PACS1: variants seen among roughly 807,000 people sequenced by gnomAD.
PACS1 encodes PACS-1.
A neutral mutation model predicts 115.0 loss-of-function variants in PACS1; 24 were observed. The ratio of observed to expected loss-of-function variants is 0.21; its 90% confidence interval spans 0.15 to 0.29. The LOEUF (loss-of-function observed/expected upper bound fraction) is 0.29, where lower values mean the gene tolerates loss of function less well. PACS1 is among the 10% of genes least tolerant of loss of function. PACS1 has a pLI of 1.00. For synonymous variants in PACS1, 453 were observed against 504.5 expected (o/e 0.90, Z 1.37); for missense variants, 838 against 1,251.2 (o/e 0.67, Z 4.98).
In PACS1 at chr11:66,197,526, G is replaced by T. The variant is rs117163325; in HGVS notation, c.444+3953G>T. Among the ~76,000 whole-genome samples the T allele has an allele frequency of 4.9e-4, 75 of 152,240 alleles. 1 individual carries two copies. The East Asian group carries it at 0.013, about 27-fold the overall frequency. On this transcript the variant is annotated intron_variant, in intron 2 of 23. Coordinates refer to ENST00000320580, the MANE Select transcript of PACS1 (RefSeq NM_018026.4). ...AGTCCACAACTGGCTGGTCACAATG[G>T]CTCATACCTGTAATCCCAGCACTTT...
At position 66,092,774 on chromosome 11, in the gene PACS1, T is replaced by C. The variant is rs896520175; in HGVS notation, c.356+21932T>C. On this transcript the variant is annotated intron_variant, in intron 1 of 23. Transcript: ENST00000320580. ...AGTTTTCCCAGCACCATTTATTAAATAGAGAATCCTTTCCCCATTGCTTGT... is the reference window on the plus strand; with the variant it reads ...AGTTTTCCCAGCACCATTTATTAAACAGAGAATCCTTTCCCCATTGCTTGT... Among the ~76,000 whole-genome samples the C allele has an allele frequency of 2.0e-4, 30 of 152,142 alleles. 1 individual carries two copies. The highest frequency in any genetic ancestry group is 7.0e-4 in the African/African-American group (29 of 41,446).
intron 1 of PACS1, among the ~76,000 whole-genome samples, chr11:66,184,488 G>A (rs534974449): frequency 4.6e-5 from 7 of 152,234 alleles, no homozygotes; most frequent in South Asian, 2.1e-4. Flanking sequence ...CTACAGTCAC[G>A]TATAAACTAG....
At chr11:66,148,114 G>T (rs1859165319) in intron 1 of PACS1, among the ~76,000 whole-genome samples, 2 of 152,246 alleles carry the variant, frequency 1.3e-5, no homozygotes, top group Non-Finnish European at 2.9e-5. Flanking sequence ...TTGAAAGCTA[G>T]TTGGGCAGTA....
At chr11:66,086,980 T>A (rs1259535294) in intron 1 of PACS1, among the ~76,000 whole-genome samples, 1 of 152,148 alleles carries the variant, frequency 6.6e-6, no homozygotes, top group Non-Finnish European at 1.5e-5. Context: ...AAACCTTTTG[T>A]TTGGAATGTC....
intron 13 of PACS1, 170 bp from the exon 14 acceptor site, chr11:66,232,002 C>T (rs1855606258): frequency 1.7e-6 from 1 of 577,926 alleles, no homozygotes; most frequent in Non-Finnish European, 3.1e-6. Flanking sequence ...CTTTCTCCTC[C>T]TTTCCATCGT....
chr11:66,078,741 ACAAGGTC>A (rs1049032015), intron 1 of PACS1, among the ~76,000 whole-genome samples: 1 of 152,116 alleles, frequency 6.6e-6, no homozygotes, highest in African/African-American at 2.4e-5. Context: ...TTTTGCAGAG[ACAAGGTC>A]CCACTATGCT....
At chr11:66,129,305 A>C (rs1858649190) in intron 1 of PACS1, among the ~76,000 whole-genome samples, 2 of 151,348 alleles carry the variant, frequency 1.3e-5, no homozygotes, top group African/African-American at 2.4e-5. Context: ...GGTGGCGCGC[A>C]CTTGTAATCC....
chr11:66,124,410 T>C (rs1329566520), intron 1 of PACS1, among the ~76,000 whole-genome samples: 1 of 152,194 alleles, frequency 6.6e-6, no homozygotes, highest in Non-Finnish European at 1.5e-5. Context: ...TAGAGTTATA[T>C]AGTTAGGGTT....
At chr11:66,208,110 T>G (rs1399107241) in intron 2 of PACS1, among the ~76,000 whole-genome samples, 1 of 152,014 alleles carries the variant, frequency 6.6e-6, no homozygotes, top group East Asian at 1.9e-4. Context: ...CCATTACCCA[T>G]AGGCAGCATC....
intron 2 of PACS1, among the ~76,000 whole-genome samples, chr11:66,200,808 T>C (rs2134684392): frequency 6.6e-6 from 1 of 152,020 alleles, no homozygotes; most frequent in East Asian, 1.9e-4. Flanking sequence ...AATAGATATT[T>C]ACAGAACATT....
chr11:66,145,567 A>G (rs1254601075), intron 1 of PACS1, among the ~76,000 whole-genome samples: 3 of 152,164 alleles, frequency 2.0e-5, no homozygotes, highest in African/African-American at 7.2e-5. Context: ...CTGTCCACAC[A>G]TTTCTGGCTG....
intron 1 of PACS1, among the ~76,000 whole-genome samples, chr11:66,127,189 C>G (rs1169335977): frequency 6.6e-6 from 1 of 152,214 alleles, no homozygotes; most frequent in Non-Finnish European, 1.5e-5. Flanking sequence ...TCCCTTCTCT[C>G]AAAGACTCAG....
At chr11:66,130,227 A>G (rs1858669866) in intron 1 of PACS1, among the ~76,000 whole-genome samples, 1 of 152,128 alleles carries the variant, frequency 6.6e-6, no homozygotes, top group Non-Finnish European at 1.5e-5. Context: ...GCAAGATGCA[A>G]TATAGTAGGC....
chr11:66,226,695 C>T (rs1476870963), intron 10 of PACS1, among the ~76,000 whole-genome samples: 1 of 152,154 alleles, frequency 6.6e-6, no homozygotes, highest in Non-Finnish European at 1.5e-5. Context: ...AGAGAAAGGA[C>T]TTTGAGTCAT....
intron 1 of PACS1, among the ~76,000 whole-genome samples, chr11:66,153,510 G>A (rs1194430416): frequency 1.3e-5 from 2 of 152,044 alleles, no homozygotes; most frequent in African/African-American, 2.4e-5. Context: ...GGCCAGGCGC[G>A]GTGGCTCACG....
intron 1 of PACS1, among the ~76,000 whole-genome samples, chr11:66,124,270 G>A (rs1858520373): frequency 6.6e-6 from 1 of 152,180 alleles, no homozygotes; most frequent in South Asian, 2.1e-4. Context: ...AAGGATGTGT[G>A]GGAATTAGCT....
intron 1 of PACS1, among the ~76,000 whole-genome samples, chr11:66,161,762 C>T (rs1457906285): frequency 6.6e-6 from 1 of 151,356 alleles, no homozygotes; most frequent in Non-Finnish European, 1.5e-5. Context: ...ATTTTTTTTT[C>T]CTACGGAAAA....
At chr11:66,201,541 C>G (rs1854796073) in intron 2 of PACS1, among the ~76,000 whole-genome samples, 1 of 150,250 alleles carries the variant, frequency 6.7e-6, no homozygotes, top group Non-Finnish European at 1.5e-5. Flanking sequence ...TCTTAAAGAA[C>G]TAGAAAAGCA....
At position 66,235,971 on chromosome 11, in the gene PACS1, C is replaced by T. The variant is rs1233092247; in HGVS notation, c.2250+31C>T. The T allele has an allele frequency of 1.9e-6, 3 of 1,596,598 alleles. No homozygotes were observed. The highest frequency in any genetic ancestry group is 1.7e-5 in the Admixed American group (1 of 59,998). On this transcript the variant is annotated intron_variant, in intron 19 of 23. Coordinates refer to ENST00000320580, the MANE Select transcript of PACS1 (RefSeq NM_018026.4). This position sits in a 1 kb window ranked among gnomAD's most constrained non-coding sequence, Gnocchi z 5.6. ...TACTGACTCCCTCTGCTTGGCACCC[C>T]ACCCGTTCTCCTGGTCTTCCTGTTC...
Sources: gnomAD v4.1 joint callset for allele counts (sites outside exome capture counted in the v4.1 genomes callset) on GRCh38, gnomAD v4.1.1 for gene constraint, Gnocchi (gnomAD v3.1) non-coding constraint, MANE v1.5 for transcripts, NCBI Gene and HGNC (gene_info 2026-07-23, HGNC 2026-07-21) for gene names.